BPNT1: variants seen among roughly 807,000 people sequenced by gnomAD.
The protein encoded by BPNT1 is 3'(2'),5'-bisphosphate nucleotidase 1.
In BPNT1, 28 loss-of-function variants were observed where a neutral mutation model predicts 36.9. The observed-to-expected ratio is 0.76, with a 90% CI of 0.56 to 1.04. The LOEUF (loss-of-function observed/expected upper bound fraction) is 1.04, where lower values mean the gene tolerates loss of function less well. Among genes scored for constraint, BPNT1 ranks in the 50% least tolerant of loss-of-function variants. The pLI, the probability that BPNT1 is intolerant of heterozygous loss-of-function variation, is 0.00. For missense variants in BPNT1, 313 were observed against 372.9 expected (o/e 0.84, Z 1.32); for synonymous variants, 119 against 130.9 (o/e 0.91, Z 0.62).
At position 220,058,630 on chromosome 1, in the gene BPNT1, C is replaced by T; in HGVS notation, c.*214G>A. The T allele has an allele frequency of 1.3e-6, 1 of 781,462 alleles. No individual in the cohort carries two copies. Among genetic ancestry groups the T allele is most frequent in the Non-Finnish European group, 1.8e-6 (1 of 560,962 alleles). The allele number at this position is 781,462 out of a possible 1,614,324, so 48.4% of individuals were successfully genotyped here. A position where few individuals can be genotyped will look rare whatever the true frequency, so the allele number is the denominator to read the frequency against. On this transcript the variant is annotated 3_prime_UTR_variant, in exon 9 of 9. Transcript: ENST00000322067. ...CACTGCAACCTCTGCCTTCCGGGCT[C>T]AAGAGATTCTTCTGCTTCAGCCTCT...
chr1:220,064,092 C>T (rs1663310869), intron 6 of BPNT1, among the ~76,000 whole-genome samples: 1 of 152,052 alleles, frequency 6.6e-6, no homozygotes, highest in African/African-American at 2.4e-5. Context: ...CCTCAAAGCA[C>T]CCCCATGAAG....
Position 220,079,847 on chromosome 1 carries a change from G to A in BPNT1, c.-1C>T. ...TCAACACAGTGTTACTGGAAGCCAT[G>A]GTACACTCTAAAAAGAGATCAAGAA... is the stretch of plus-strand genomic sequence containing the variant. On this transcript the variant is annotated 5_prime_UTR_variant, in exon 2 of 9. Transcript: ENST00000322067. 2 of 1,612,522 alleles carry A rather than the reference G, an allele frequency of 1.2e-6. No individual in the cohort carries two copies. Among genetic ancestry groups the A allele is most frequent in the Non-Finnish European group, 1.7e-6 (2 of 1,179,568 alleles).
At chr1:220,065,556 T>C (rs1013991039) in intron 6 of BPNT1, among the ~76,000 whole-genome samples, 1 of 152,180 alleles carries the variant, frequency 6.6e-6, no homozygotes, top group African/African-American at 2.4e-5. Context: ...AGGAGGGCAA[T>C]ATAAAGTAAT....
chr1:220,058,435 AC>A lies in BPNT1; in HGVS notation c.*408del. ...CTGCTCAACAATGAATAAAGGTGGAACTCTAATTCTACCCAATTAATCTTAA... is the reference window on the plus strand; with the variant it reads ...CTGCTCAACAATGAATAAAGGTGGAATCTAATTCTACCCAATTAATCTTAA... On this transcript the variant is annotated 3_prime_UTR_variant, in exon 9 of 9. Transcript: ENST00000322067. 1.0e-6 allele frequency: 1 copy of A among 967,694 alleles called. No homozygotes were observed. Among genetic ancestry groups the A allele is most frequent in the Non-Finnish European group, 1.2e-6 (1 of 811,902 alleles). 59.9% of individuals were successfully genotyped at this position (967,694 alleles called of 1,614,324 possible).
chr1:220,060,227 G>A (rs1293251044), intron 7 of BPNT1, among the ~76,000 whole-genome samples: 1 of 152,168 alleles, frequency 6.6e-6, no homozygotes, highest in South Asian at 2.1e-4. Context: ...TGTAATGCCA[G>A]CACTTTGGGA....
chr1:220,086,764 T>TG (rs1655766214), intron 1 of BPNT1, among the ~76,000 whole-genome samples: 1 of 151,686 alleles, frequency 6.6e-6, no homozygotes, highest in African/African-American at 2.4e-5. Context: ...TTAATAGAGA[T>TG]GGGGTTTCAC....
intron 6 of BPNT1, among the ~76,000 whole-genome samples, chr1:220,065,803 G>T (rs1321559214): frequency 6.6e-6 from 1 of 152,180 alleles, no homozygotes; most frequent in African/African-American, 2.4e-5. Context: ...ATTTAAAATT[G>T]AATCTTTAGC....
intron 1 of BPNT1, among the ~76,000 whole-genome samples, chr1:220,080,435 A>G (rs963722383): frequency 2.0e-5 from 3 of 152,170 alleles, no homozygotes; most frequent in Non-Finnish European, 4.4e-5. Context: ...AACCGCAATT[A>G]CTTCTGCACC....
intron 8 of BPNT1, 125 bp downstream of exon 8, chr1:220,059,561 C>G (rs1662831982): frequency 1.4e-6 from 1 of 711,348 alleles, no homozygotes; most frequent in Admixed American, 3.4e-5. Flanking sequence ...ACTGGATAAT[C>G]TCTAAGCTGC....
At chr1:220,079,594 A>C in intron 2 of BPNT1, 133 bp downstream of exon 2, 1 of 1,098,144 alleles carries the variant, frequency 9.1e-7, no homozygotes. Context: ...TTTAGAACCA[A>C]GCGTCTTGCA....
At chr1:220,079,679 C>T in intron 2 of BPNT1, 48 bp downstream of exon 2, 2 of 1,610,200 alleles carry the variant, frequency 1.2e-6, no homozygotes, top group African/African-American at 2.7e-5. Flanking sequence ...AGCTAAACCT[C>T]AAGAACAAAA....
At chr1:220,075,029 T>G (rs1400633304) in intron 2 of BPNT1, among the ~76,000 whole-genome samples, 1 of 152,150 alleles carries the variant, frequency 6.6e-6, no homozygotes, top group Non-Finnish European at 1.5e-5. Context: ...TTATATCATC[T>G]TAGTAGAATT....
chr1:220,068,868 C>T (rs1159685753), intron 5 of BPNT1, among the ~76,000 whole-genome samples: 1 of 152,066 alleles, frequency 6.6e-6, no homozygotes, highest in Admixed American at 6.6e-5. Flanking sequence ...TTTATATGGC[C>T]AATTTTATTT....
At chr1:220,067,685 C>A (rs908935909) in intron 5 of BPNT1, among the ~76,000 whole-genome samples, 2 of 152,178 alleles carry the variant, frequency 1.3e-5, no homozygotes, top group African/African-American at 4.8e-5. Context: ...TTCCTCTGTG[C>A]CTCTTCCACC....
chr1:220,080,513 C>T (rs1162023577), intron 1 of BPNT1, among the ~76,000 whole-genome samples: 1 of 152,138 alleles, frequency 6.6e-6, no homozygotes, highest in Non-Finnish European at 1.5e-5. Flanking sequence ...CCTAAGGAAA[C>T]TTAACAATCA....
At chr1:220,087,508 T>C (rs1476209465) in intron 1 of BPNT1, among the ~76,000 whole-genome samples, 1 of 151,906 alleles carries the variant, frequency 6.6e-6, no homozygotes, top group Non-Finnish European at 1.5e-5. Flanking sequence ...TGAGCTGAGA[T>C]CATTTGCACC....
intron 2 of BPNT1, among the ~76,000 whole-genome samples, chr1:220,079,083 T>G (rs1664870056): frequency 6.6e-6 from 1 of 152,208 alleles, no homozygotes; most frequent in African/African-American, 2.4e-5. Context: ...AATATTTATG[T>G]AAATGCCAGA....
At chr1:220,079,947 G>T (rs1036570247) in intron 1 of BPNT1, 93 bp from the exon 2 acceptor site, 32 of 1,293,434 alleles carry the variant, frequency 2.5e-5, no homozygotes, top group Non-Finnish European at 3.4e-5. Context: ...TTAATTGAGT[G>T]CTAACTTGGG....
In BPNT1 at chr1:220,060,881, G is replaced by A. The variant is rs368743047; in HGVS notation, c.673-1090C>T. On this transcript the variant is annotated intron_variant, in intron 7 of 8. Transcript: ENST00000322067. ...GAAAGGTGGAACAACTCAAAGCGGT[G>A]GGGGCGGGGAGGCTTCCAGGATATA... Among the ~76,000 whole-genome samples, 83 of 150,046 alleles carry A rather than the reference G, an allele frequency of 5.5e-4. No homozygotes were observed. In the South Asian group the frequency reaches 0.016, roughly 29 times the overall value.
Sources: allele counts gnomAD v4.1 joint callset (sites outside exome capture counted in the v4.1 genomes callset), GRCh38; gene constraint gnomAD v4.1.1; transcripts MANE v1.5; gene names NCBI Gene and HGNC (gene_info 2026-07-23, HGNC 2026-07-21).